LYPLAL1: variants seen among roughly 807,000 people sequenced by gnomAD.
LYPLAL1 encodes lysophospholipase-like protein 1.
A neutral mutation model predicts 19.7 loss-of-function variants in LYPLAL1; 23 were observed. The ratio of observed to expected loss-of-function variants is 1.17; its 90% confidence interval spans 0.84 to 1.65. LYPLAL1 has a LOEUF of 1.65. Among genes scored for constraint, LYPLAL1 ranks in the 40% most tolerant of loss-of-function variants. The probability of loss-of-function intolerance (pLI) is 0.00; values close to 1 mark genes in which losing one functional copy is unlikely to be tolerated. For missense variants in LYPLAL1, 355 were observed against 279.4 expected (o/e 1.27, Z -1.93); for synonymous variants, 119 against 96.3 (o/e 1.24, Z -1.38).
At chr1:219,293,473 C>T in the LYPLAL1 span, among the ~76,000 whole-genome samples, 1 of 152,086 alleles carries the variant, frequency 6.6e-6, no homozygotes, top group Admixed American at 6.6e-5. Flanking sequence ...CCTCCCCCAA[C>T]TTGGCAATTT....
chr1:219,257,181 G>T, the LYPLAL1 span, among the ~76,000 whole-genome samples: 146,350 of 152,084 alleles, frequency 0.96, 70,681 homozygotes, highest in East Asian at 1. Flanking sequence ...ATTTGTCTAT[G>T]TTTAACATTT....
At chr1:219,412,382 T>C in the LYPLAL1 span, among the ~76,000 whole-genome samples, 1 of 152,210 alleles carries the variant, frequency 6.6e-6, no homozygotes, top group Non-Finnish European at 1.5e-5. Context: ...CTTAACTTCA[T>C]GACTTTGGGC....
At chr1:219,234,354 T>C in the LYPLAL1 span, among the ~76,000 whole-genome samples, 1 of 152,132 alleles carries the variant, frequency 6.6e-6, no homozygotes, top group Admixed American at 6.5e-5. Flanking sequence ...CTCTTATTCA[T>C]AAGCTATTGA....
Position 219,207,830 on chromosome 1 carries a change from A to G in LYPLAL1, c.362-2702A>G, listed in dbSNP as rs77612112. On this transcript the variant is annotated intron_variant, in intron 3 of 4. Transcript: ENST00000366928. ...GAATTCAATGCTAAGAAAAATTTCT[A>G]GTATGACTTGTTATGATTCCTTCTG... is the stretch of plus-strand genomic sequence containing the variant. Among the ~76,000 whole-genome samples, 726 of 152,198 alleles carry G rather than the reference A, an allele frequency of 4.8e-3. 5 individuals are homozygous for G. Among genetic ancestry groups the G allele is most frequent in the South Asian group, 0.023 (112 of 4,826 alleles).
the LYPLAL1 span, among the ~76,000 whole-genome samples, chr1:219,237,705 A>G: frequency 1.3e-5 from 2 of 151,732 alleles, no homozygotes; most frequent in Admixed American, 6.6e-5. Context: ...TCCTCCAGGA[A>G]GCTTTCTGGG....
chr1:219,305,726 C>G, the LYPLAL1 span, among the ~76,000 whole-genome samples: 1,209 of 152,226 alleles, frequency 7.9e-3, 32 homozygotes, highest in South Asian at 0.066. Context: ...GGGTGCTGTA[C>G]CAGGTGCTGT....
chr1:219,429,025 G>A, the LYPLAL1 span, among the ~76,000 whole-genome samples: 30 of 152,176 alleles, frequency 2.0e-4, no homozygotes, highest in Non-Finnish European at 3.4e-4. Flanking sequence ...CAGATTTGCT[G>A]AGAATTGTGC....
chr1:219,344,587 C>T, the LYPLAL1 span, among the ~76,000 whole-genome samples: 1 of 152,298 alleles, frequency 6.6e-6, no homozygotes, highest in East Asian at 1.9e-4. Context: ...TGACATCTCT[C>T]CCAAATTATC....
At chr1:219,191,625 T>A (rs546267200) in intron 2 of LYPLAL1, among the ~76,000 whole-genome samples, 85 of 151,666 alleles carry the variant, frequency 5.6e-4, no homozygotes, top group Non-Finnish European at 6.7e-4. Context: ...TTACACAGTT[T>A]ACCGAATGTA....
chr1:219,329,555 A>G, the LYPLAL1 span, among the ~76,000 whole-genome samples: 3 of 152,174 alleles, frequency 2.0e-5, no homozygotes, highest in African/African-American at 7.2e-5. Context: ...TTCTTGAGTA[A>G]ATGAAGCATT....
chr1:219,428,094 C>A, the LYPLAL1 span, among the ~76,000 whole-genome samples: 1 of 152,162 alleles, frequency 6.6e-6, no homozygotes, highest in Non-Finnish European at 1.5e-5. Context: ...GACAGTCAAA[C>A]TGATTTTCCA....
At chr1:219,207,392 T>C (rs1658660212) in intron 3 of LYPLAL1, among the ~76,000 whole-genome samples, 1 of 152,008 alleles carries the variant, frequency 6.6e-6, no homozygotes, top group Non-Finnish European at 1.5e-5. Context: ...ATCTTTATTT[T>C]TAAGAGGTCA....
At chr1:219,352,360 T>C in the LYPLAL1 span, among the ~76,000 whole-genome samples, 1 of 151,482 alleles carries the variant, frequency 6.6e-6, no homozygotes, top group Non-Finnish European at 1.5e-5. Context: ...CTACTAAAAA[T>C]ACAAAAAATT....
At chr1:219,311,620 A>G in the LYPLAL1 span, among the ~76,000 whole-genome samples, 3 of 151,526 alleles carry the variant, frequency 2.0e-5, no homozygotes, top group Middle Eastern at 3.4e-3. Context: ...TTTTGGATAT[A>G]GTAGTTCCCT....
chr1:219,310,307 A>G, the LYPLAL1 span, among the ~76,000 whole-genome samples: 1 of 152,152 alleles, frequency 6.6e-6, no homozygotes, highest in Non-Finnish European at 1.5e-5. Flanking sequence ...TTACTCCCTC[A>G]TTTTCTCACA....
the LYPLAL1 span, among the ~76,000 whole-genome samples, chr1:219,298,647 A>T: frequency 4.0e-3 from 604 of 152,358 alleles, 3 homozygotes; most frequent in South Asian, 0.021. Context: ...CAGGCCTCTG[A>T]CACATCTCCT....
At chr1:219,300,024 G>T in the LYPLAL1 span, among the ~76,000 whole-genome samples, 1 of 152,150 alleles carries the variant, frequency 6.6e-6, no homozygotes, top group Admixed American at 6.5e-5. Flanking sequence ...TGTCACCCAG[G>T]TTGGAGTGCA....
At chr1:219,431,227 A>C in the LYPLAL1 span, among the ~76,000 whole-genome samples, 7 of 151,986 alleles carry the variant, frequency 4.6e-5, no homozygotes, top group African/African-American at 1.7e-4. Context: ...TATCCAAAGA[A>C]CTATCATATG....
At chr1:219,411,978 G>A in the LYPLAL1 span, 2 of 153,004 alleles carry the variant, frequency 1.3e-5, no homozygotes, top group Admixed American at 6.5e-5. Flanking sequence ...GAATAATATT[G>A]CAAATGGAAT....
Sources: gnomAD v4.1 joint callset for allele counts (sites outside exome capture counted in the v4.1 genomes callset) on GRCh38, gnomAD v4.1.1 for gene constraint, MANE v1.5 for transcripts, NCBI Gene and HGNC (gene_info 2026-07-23, HGNC 2026-07-21) for gene names.